WDHD1: variants seen among roughly 807,000 people sequenced by gnomAD.
WDHD1 encodes the protein WD repeat and HMG-box DNA-binding protein 1.
A neutral mutation model predicts 135.4 loss-of-function variants in WDHD1; 111 were observed. The ratio of observed to expected loss-of-function variants is 0.82; its 90% CI spans 0.70 to 0.96. The LOEUF is 0.96. WDHD1 is among the 40% of genes least tolerant of loss of function. The pLI is 0.00. For missense variants in WDHD1, 1,351 were observed against 1,336.3 expected, an observed-to-expected ratio of 1.01 and a Z score of -0.17; for synonymous variants, 434 against 439.0, an observed-to-expected ratio of 0.99 and a Z score of 0.14.
chr14:54,992,415 A>T (rs903326738), intron 11 of WDHD1, among the ~76,000 whole-genome samples: 1 of 152,150 alleles, frequency 6.6e-6, no homozygotes, highest in Non-Finnish European at 1.5e-5. Flanking sequence ...ACTTGTACCC[A>T]GAGGGCAGAG....
At chr14:54,967,901 G>A (rs531214265) in intron 16 of WDHD1, among the ~76,000 whole-genome samples, 20 of 152,248 alleles carry the variant, frequency 1.3e-4, no homozygotes, top group Non-Finnish European at 2.2e-4. Context: ...GATTACAGGC[G>A]TGAGCTACCC....
intron 16 of WDHD1, among the ~76,000 whole-genome samples, chr14:54,971,209 A>G (rs1440904243): frequency 3.9e-5 from 6 of 152,236 alleles, no homozygotes; most frequent in Admixed American, 2.6e-4. Flanking sequence ...CACAAAAGCA[A>G]TTGCAACAAA....
At chr14:54,951,840 G>T (rs1031606932) in intron 24 of WDHD1, among the ~76,000 whole-genome samples, 4 of 152,114 alleles carry the variant, frequency 2.6e-5, no homozygotes, top group South Asian at 4.1e-4. Flanking sequence ...TTCAACATTC[G>T]CAAATAAATA....
intron 24 of WDHD1, among the ~76,000 whole-genome samples, chr14:54,948,871 C>T (rs192735700): frequency 1.8e-3 from 274 of 152,292 alleles, no homozygotes; most frequent in African/African-American, 4.5e-3. Flanking sequence ...CTGCAGCCTC[C>T]GCTGCTGATA....
rs554804242 is a variant in WDHD1, at chr14:54,944,848, T to C, written c.3051-378A>G. On this transcript the variant is annotated intron_variant, in intron 24 of 25. Coordinates refer to ENST00000360586, the MANE Select transcript of WDHD1 (RefSeq NM_007086.4). ...GTCTCAAACTCCTGACCTCACGTGA[T>C]CTGCCCGCCTCGGCTTCCCAAACTG... 1.3e-4 allele frequency among the ~76,000 whole-genome samples: 20 copies of C among 152,212 alleles called. 1 individual carries two copies. The South Asian group carries it at 3.9e-3, about 30-fold the overall frequency.
At chr14:54,985,561 T>G (rs993975134) in intron 14 of WDHD1, among the ~76,000 whole-genome samples, 5 of 152,158 alleles carry the variant, frequency 3.3e-5, no homozygotes, top group Admixed American at 6.5e-5. Flanking sequence ...CTATCAGAAG[T>G]TTGACTTTGA....
At position 55,011,647 on chromosome 14, in the gene WDHD1, GTT is replaced by G. The variant is rs1038955136; in HGVS notation, c.190-1189_190-1188del. Among the ~76,000 whole-genome samples the G allele has an allele frequency of 1.1e-4, 15 of 140,734 alleles. 1 individual carries two copies. The highest frequency in any genetic ancestry group is 4.8e-4 in the African/African-American group (15 of 31,552). The allele number at this position is 140,734 out of a possible 152,430, so 92.3% of individuals were successfully genotyped here. On this transcript the variant is annotated intron_variant, in intron 3 of 25. Coordinates refer to ENST00000360586, the MANE Select transcript of WDHD1 (RefSeq NM_007086.4). ...TTAATTTTGTTATATTCGTGTGTGTGTTTGTGTGTATATATATATGTATTTAT... is the reference window on the plus strand; with the variant it reads ...TTAATTTTGTTATATTCGTGTGTGTGTGTGTGTATATATATATGTATTTAT...
chr14:55,022,996 T>C (rs2042375289), intron 2 of WDHD1, among the ~76,000 whole-genome samples: 1 of 151,944 alleles, frequency 6.6e-6, no homozygotes, highest in Non-Finnish European at 1.5e-5. Context: ...GGCTAATTTT[T>C]TGCATTTTTA....
intron 16 of WDHD1, among the ~76,000 whole-genome samples, chr14:54,981,042 C>T (rs1371406424): frequency 4.0e-5 from 6 of 151,138 alleles, no homozygotes; most frequent in Non-Finnish European, 5.9e-5. Context: ...TCCCGTGAGG[C>T]GGAGCTTGCA....
At chr14:54,975,722 G>A (rs981223202) in intron 16 of WDHD1, among the ~76,000 whole-genome samples, 2 of 150,516 alleles carry the variant, frequency 1.3e-5, no homozygotes, top group Admixed American at 6.6e-5. Flanking sequence ...TTAAAGAGAC[G>A]GGGTTTTGCT....
intron 21 of WDHD1, among the ~76,000 whole-genome samples, chr14:54,959,726 TCACTG>T (rs1465775638): frequency 2.0e-5 from 3 of 151,890 alleles, no homozygotes; most frequent in African/African-American, 7.2e-5. Flanking sequence ...TAGGACTGCA[TCACTG>T]CACTCCAACT....
chr14:54,971,226 A>G (rs1487528268), intron 16 of WDHD1, among the ~76,000 whole-genome samples: 1 of 152,210 alleles, frequency 6.6e-6, no homozygotes, highest in Non-Finnish European at 1.5e-5. Flanking sequence ...CAAAAACAAA[A>G]ATTGACAAGT....
chr14:55,007,475 T>A, intron 6 of WDHD1, 100 bp from the exon 7 acceptor site: 1 of 845,112 alleles, frequency 1.2e-6, no homozygotes, highest in South Asian at 1.9e-5. Context: ...TCAATATATA[T>A]CTCAGAAAAA....
At chr14:54,987,927 T>G (rs900702246) in intron 13 of WDHD1, among the ~76,000 whole-genome samples, 1 of 152,176 alleles carries the variant, frequency 6.6e-6, no homozygotes, top group African/African-American at 2.4e-5. Flanking sequence ...ATGCCCAGCC[T>G]GAAGGATACA....
Position 55,002,220 on chromosome 14 carries a change from T to G in WDHD1, c.601-35A>C, listed in dbSNP as rs1458018133. The G allele has an allele frequency of 2.8e-6, 4 of 1,417,486 alleles. No individual in the cohort carries two copies. The African/African-American group carries it at 5.8e-5, about 21-fold the overall frequency. 87.8% of individuals were successfully genotyped at this position (1,417,486 alleles called of 1,614,324 possible). A position where few individuals can be genotyped will look rare whatever the true frequency, so the allele number is the denominator to read the frequency against. On this transcript the variant is annotated intron_variant, in intron 7 of 25. Coordinates refer to ENST00000360586, the MANE Select transcript of WDHD1 (RefSeq NM_007086.4). ...AAGATAAACAACGTAAACAAAAGTTTACATTAAATTGAATTTGAAGAAGGA... is the reference window on the plus strand; with the variant it reads ...AAGATAAACAACGTAAACAAAAGTTGACATTAAATTGAATTTGAAGAAGGA...
intron 16 of WDHD1, among the ~76,000 whole-genome samples, chr14:54,969,052 T>C (rs186472192): frequency 7.9e-5 from 12 of 152,102 alleles, no homozygotes; most frequent in African/African-American, 2.6e-4. Context: ...TATTTATTTA[T>C]TTTTGAGACG....
chr14:54,945,494 A>G (rs915698870), intron 24 of WDHD1, among the ~76,000 whole-genome samples: 5 of 152,214 alleles, frequency 3.3e-5, no homozygotes, highest in African/African-American at 1.2e-4. Context: ...TTACACAAAC[A>G]GTAAAACTCA....
chr14:54,945,751 G>A (rs532183878), intron 24 of WDHD1, among the ~76,000 whole-genome samples: 8 of 152,242 alleles, frequency 5.3e-5, no homozygotes, highest in African/African-American at 1.9e-4. Flanking sequence ...ATATTGGCCA[G>A]GTGGGTCTCG....
chr14:54,983,595 C>A (rs962905667), intron 15 of WDHD1, among the ~76,000 whole-genome samples: 4 of 152,006 alleles, frequency 2.6e-5, no homozygotes, highest in African/African-American at 9.7e-5. Flanking sequence ...ATTGCTGGAA[C>A]CCGGAAGGCA....
Sources: gnomAD v4.1 joint callset for allele counts (sites outside exome capture counted in the v4.1 genomes callset) on GRCh38, gnomAD v4.1.1 for gene constraint, MANE v1.5 for transcripts, NCBI Gene and HGNC (gene_info 2026-07-23, HGNC 2026-07-21) for gene names.